The following RGL1 variants were observed in gnomAD, a reference collection of about 807,000 sequenced individuals.
RGL1 encodes the protein ral guanine nucleotide dissociation stimulator-like 1.
In RGL1, 24 loss-of-function variants were observed where a neutral mutation model predicts 95.2. The ratio of observed to expected loss-of-function variants is 0.25; its 90% confidence interval spans 0.18 to 0.35. The LOEUF (loss-of-function observed/expected upper bound fraction) is 0.35. Ranked by LOEUF, RGL1 falls within the 10% of genes least tolerant of loss-of-function variation. RGL1 has a pLI of 1.00. For synonymous variants in RGL1, 329 were observed against 344.9 expected (o/e 0.95, Z 0.51); for missense variants, 715 against 936.3 (o/e 0.76, Z 3.08).
chr1:183,718,041 T>C (rs1015834763), intron 1 of RGL1, among the ~76,000 whole-genome samples: 1 of 152,086 alleles, frequency 6.6e-6, no homozygotes, highest in African/African-American at 2.4e-5. Flanking sequence ...GGTCAGGAGA[T>C]GGAGACCATC....
intron 2 of RGL1, among the ~76,000 whole-genome samples, chr1:183,795,008 A>G: frequency 6.6e-6 from 1 of 152,310 alleles, no homozygotes; most frequent in African/African-American, 2.4e-5. Flanking sequence ...ATTTATTTAT[A>G]TCATTCAACT....
intron 1 of RGL1, among the ~76,000 whole-genome samples, chr1:183,642,112 T>A (rs7533304): frequency 2.6e-5 from 4 of 152,222 alleles, no homozygotes; most frequent in African/African-American, 9.6e-5. Context: ...AAATAAGAAG[T>A]CAACTATCTA....
intron 1 of RGL1, among the ~76,000 whole-genome samples, chr1:183,707,206 T>C (rs1345747917): frequency 6.6e-6 from 1 of 152,128 alleles, no homozygotes; most frequent in East Asian, 1.9e-4. Flanking sequence ...TGATGAATTG[T>C]ATCAGCATGC....
intron 1 of RGL1, among the ~76,000 whole-genome samples, chr1:183,684,346 G>T (rs1053672457): frequency 6.6e-6 from 1 of 152,144 alleles, no homozygotes; most frequent in Non-Finnish European, 1.5e-5. Flanking sequence ...TTTGGATGGG[G>T]TTTTTGTGTG....
chr1:183,691,658 T>C (rs1371154789), intron 1 of RGL1, among the ~76,000 whole-genome samples: 1 of 152,186 alleles, frequency 6.6e-6, no homozygotes, highest in Non-Finnish European at 1.5e-5. Flanking sequence ...AAGATAGTAA[T>C]GTTGAGAGAA....
intron 2 of RGL1, among the ~76,000 whole-genome samples, chr1:183,753,741 G>A (rs2102289266): frequency 6.6e-6 from 1 of 152,292 alleles, no homozygotes; most frequent in Middle Eastern, 3.4e-3. Flanking sequence ...ATCAGCCAGG[G>A]CCTTGAATTT....
intron 14 of RGL1, among the ~76,000 whole-genome samples, chr1:183,908,396 A>C (rs1214088922): frequency 6.6e-6 from 1 of 152,156 alleles, no homozygotes; most frequent in Non-Finnish European, 1.5e-5. Flanking sequence ...GGGTGGTATG[A>C]GGCATTGTGG....
chr1:183,845,629 C>A (rs907306200), intron 2 of RGL1, among the ~76,000 whole-genome samples: 1 of 152,152 alleles, frequency 6.6e-6, no homozygotes, highest in Non-Finnish European at 1.5e-5. Flanking sequence ...CAGAGCTTAA[C>A]CCAGTGGTGC....
At chr1:183,897,092 G>A (rs1251651850) in intron 9 of RGL1, among the ~76,000 whole-genome samples, 1 of 152,204 alleles carries the variant, frequency 6.6e-6, no homozygotes, top group East Asian at 1.9e-4. Flanking sequence ...ATCACAAAAT[G>A]TACTGAGGAA....
chr1:183,858,921 A>T (rs1358349335), intron 3 of RGL1, among the ~76,000 whole-genome samples: 2 of 152,252 alleles, frequency 1.3e-5, no homozygotes, highest in Non-Finnish European at 2.9e-5. Context: ...GTTACAAAGC[A>T]TGTTTCATAA....
chr1:183,901,155 C>T (rs1241791221), intron 11 of RGL1, among the ~76,000 whole-genome samples: 4 of 151,904 alleles, frequency 2.6e-5, no homozygotes, highest in South Asian at 4.2e-4. Context: ...AAAAATCAGC[C>T]GGGCATGGTG....
intron 1 of RGL1, among the ~76,000 whole-genome samples, chr1:183,737,116 G>A (rs1309285252): frequency 6.6e-6 from 1 of 152,144 alleles, no homozygotes; most frequent in African/African-American, 2.4e-5. Context: ...GTGGAGTTGT[G>A]TCCTAGCACT....
intron 2 of RGL1, among the ~76,000 whole-genome samples, chr1:183,806,833 C>G (rs1024216017): frequency 6.6e-6 from 1 of 152,102 alleles, no homozygotes; most frequent in Non-Finnish European, 1.5e-5. Context: ...GCCCAGAAGC[C>G]ACCCTTGTCT....
At chr1:183,652,788 C>A (rs765458752) in intron 1 of RGL1, among the ~76,000 whole-genome samples, 1 of 152,192 alleles carries the variant, frequency 6.6e-6, no homozygotes, top group African/African-American at 2.4e-5. Flanking sequence ...AGCAGATTTG[C>A]TGGCAGTAAG....
chr1:183,723,435 TTG>T (rs1431650606), intron 1 of RGL1, among the ~76,000 whole-genome samples: 2 of 152,214 alleles, frequency 1.3e-5, no homozygotes, highest in Admixed American at 6.5e-5. Context: ...CAGTCTTGAT[TTG>T]TCAGTGCCAT....
At chr1:183,798,656 G>A (rs1313207331) in intron 2 of RGL1, among the ~76,000 whole-genome samples, 1 of 151,860 alleles carries the variant, frequency 6.6e-6, no homozygotes, top group Non-Finnish European at 1.5e-5. Context: ...ATCCCTAGAA[G>A]GTATTCATCT....
chr1:183,770,690 C>T (rs1467724443), intron 2 of RGL1, among the ~76,000 whole-genome samples: 1 of 152,150 alleles, frequency 6.6e-6, no homozygotes, highest in Non-Finnish European at 1.5e-5. Context: ...AATAGGAAGT[C>T]AGGCGATCAT....
chr1:183,735,347 C>G (rs1166096211), intron 1 of RGL1, among the ~76,000 whole-genome samples: 2 of 152,026 alleles, frequency 1.3e-5, no homozygotes, highest in African/African-American at 2.4e-5. Context: ...ACATTTATTC[C>G]AAAATACATT....
At chr1:183,858,429 G>A (rs1025006093) in intron 3 of RGL1, among the ~76,000 whole-genome samples, 8 of 152,126 alleles carry the variant, frequency 5.3e-5, no homozygotes, top group South Asian at 2.1e-4. Context: ...TGTCCCTAGC[G>A]TGGTAACAGG....
Sources: gnomAD v4.1 joint callset for allele counts (sites outside exome capture counted in the v4.1 genomes callset) on GRCh38, gnomAD v4.1.1 for gene constraint, MANE v1.5 for transcripts, NCBI Gene and HGNC (gene_info 2026-07-23, HGNC 2026-07-21) for gene names.